PPFIA1: variants seen among roughly 807,000 people sequenced by gnomAD.
PPFIA1 encodes PPFI scaffold protein A1, also known as liprin-alpha-1.
PPFIA1 carries 25 observed loss-of-function variants against 149.9 expected under a neutral mutation model. The observed-to-expected ratio is 0.17, with a 90% CI of 0.12 to 0.23. The LOEUF is 0.23. Ranked by LOEUF, PPFIA1 falls within the 10% of genes least tolerant of loss-of-function variation. The pLI is 1.00. For missense variants in PPFIA1, 1,362 were observed against 1,506.5 expected, an observed-to-expected ratio of 0.90 and a Z score of 1.59; for synonymous variants, 549 against 552.8, an observed-to-expected ratio of 0.99 and a Z score of 0.10.
In PPFIA1 at chr11:70,291,016, G is replaced by T. The variant is rs143822976; in HGVS notation, c.264+18580G>T. On this transcript the variant is annotated intron_variant, in intron 2 of 27. Coordinates refer to ENST00000253925, the MANE Select transcript of PPFIA1 (RefSeq NM_003626.5). ...CTCTCCTGCTTCAGCCTCCCGAGTAGCTGGGATTACAGGCATATGCCACCA... is the reference window on the plus strand; with the variant it reads ...CTCTCCTGCTTCAGCCTCCCGAGTATCTGGGATTACAGGCATATGCCACCA... Among the ~76,000 whole-genome samples, 88 of 152,296 alleles carry T rather than the reference G, an allele frequency of 5.8e-4. 1 individual carries two copies. Among genetic ancestry groups the T allele is most frequent in the African/African-American group, 1.8e-3 (74 of 41,560 alleles).
At chr11:70,372,091 A>G in intron 21 of PPFIA1, 124 bp from the exon 22 acceptor site, 1 of 852,522 alleles carries the variant, frequency 1.2e-6, no homozygotes, top group South Asian at 2.9e-5. Context: ...TTTTGCAATT[A>G]TAAAATTATC....
In PPFIA1 at chr11:70,380,784, A is replaced by G. The variant is rs2057684007; in HGVS notation, c.3551-1304A>G. Among the ~76,000 whole-genome samples, 4 of 152,092 alleles carry G rather than the reference A, an allele frequency of 2.6e-5. No homozygotes were observed. The South Asian group carries it at 8.3e-4, about 32-fold the overall frequency. On this transcript the variant is annotated intron_variant, in intron 26 of 27. Transcript: ENST00000253925. ...AAAAGGTATAGGGAATTTATTATAA[A>G]GAAGACTTTTTACCCTTACATTAAA... is the stretch of plus-strand genomic sequence containing the variant.
chr11:70,335,610 A>T lies in PPFIA1; in HGVS notation c.1344A>T (p.Ser448=), dbSNP rs745449850. 6.2e-7 allele frequency: 1 copy of T among 1,614,112 alleles called. No individual in the cohort carries two copies. The highest frequency in any genetic ancestry group is 1.1e-5 in the South Asian group (1 of 91,084). The change falls in exon 11 of 28, where the codon TCA becomes TCT. Residue 448 remains serine, a synonymous_variant. Coordinates refer to ENST00000253925, the MANE Select transcript of PPFIA1 (RefSeq NM_003626.5). The part of the protein sequence containing the change: ...KMNEEHNKRL[S]DTVDKLLSES... Reference sequence around the variant, plus strand: ...ACGAAGAACATAATAAACGTTTATCAGACACTGTTGACAAGCTGCTTTCAG... The same window carrying T: ...ACGAAGAACATAATAAACGTTTATCTGACACTGTTGACAAGCTGCTTTCAG...
chr11:70,333,638 C>A, intron 10 of PPFIA1, 85 bp downstream of exon 10: 1 of 1,044,540 alleles, frequency 9.6e-7, no homozygotes. Flanking sequence ...GGCCTCCCAC[C>A]CCTGACTGAG....
At chr11:70,282,669 C>T (rs1285869866) in intron 2 of PPFIA1, among the ~76,000 whole-genome samples, 2 of 149,540 alleles carry the variant, frequency 1.3e-5, no homozygotes, top group African/African-American at 2.5e-5. Context: ...GCTGGGACTA[C>T]AGGTGCCCGC....
intron 14 of PPFIA1, among the ~76,000 whole-genome samples, chr11:70,342,316 T>C (rs981309541): frequency 1.3e-5 from 2 of 151,972 alleles, no homozygotes; most frequent in African/African-American, 2.4e-5. Context: ...AGGCCTTGGT[T>C]TTGTCTCCAT....
At chr11:70,343,937 C>T (rs759751799) in intron 15 of PPFIA1, 45 bp downstream of exon 15, 1 of 1,504,794 alleles carries the variant, frequency 6.6e-7, no homozygotes, top group South Asian at 1.2e-5. Context: ...ATGGGTGTCT[C>T]TGAGGAATCT....
At chr11:70,279,147 G>A in intron 2 of PPFIA1, 1 of 544,490 alleles carries the variant, frequency 1.8e-6, no homozygotes, top group Non-Finnish European at 3.4e-6. Flanking sequence ...ATTCACAGCG[G>A]CAGTCGCGCC....
At chr11:70,290,909 C>T (rs1036469440) in intron 2 of PPFIA1, among the ~76,000 whole-genome samples, 11 of 152,026 alleles carry the variant, frequency 7.2e-5, no homozygotes, top group African/African-American at 2.7e-4. Flanking sequence ...TTTTTTGAGA[C>T]AGTTTCACTC....
intron 2 of PPFIA1, among the ~76,000 whole-genome samples, chr11:70,284,471 G>A (rs962554297): frequency 2.7e-5 from 4 of 150,590 alleles, no homozygotes; most frequent in Non-Finnish European, 4.4e-5. Flanking sequence ...GAATATTACC[G>A]TTCTAGGCTC....
intron 2 of PPFIA1, among the ~76,000 whole-genome samples, chr11:70,301,883 C>G (rs1026702005): frequency 6.6e-6 from 1 of 152,226 alleles, no homozygotes; most frequent in Non-Finnish European, 1.5e-5. Context: ...CACGGGACCA[C>G]CGTGCAGTAA....
intron 8 of PPFIA1, 106 bp downstream of exon 8, chr11:70,330,425 T>G: frequency 1.0e-6 from 1 of 975,042 alleles, no homozygotes; most frequent in Non-Finnish European, 1.5e-6. Context: ...AATATCAAGT[T>G]TTTATGACCT....
chr11:70,349,599 G>A lies in PPFIA1; in HGVS notation c.2163+1179G>A, dbSNP rs186686186. ...TTTTTTCCCGTTACCATCTATTTTCGTTTTTAGTTGTGTTGTTAGCCAGCA... is the reference window on the plus strand; with the variant it reads ...TTTTTTCCCGTTACCATCTATTTTCATTTTTAGTTGTGTTGTTAGCCAGCA... On this transcript the variant is annotated intron_variant, in intron 16 of 27. Transcript: ENST00000253925. 2.5e-4 allele frequency among the ~76,000 whole-genome samples: 38 copies of A among 152,048 alleles called. No individual in the cohort carries two copies. The East Asian group carries it at 2.7e-3, about 11-fold the overall frequency.
At chr11:70,297,590 G>T (rs2052163784) in intron 2 of PPFIA1, among the ~76,000 whole-genome samples, 1 of 152,094 alleles carries the variant, frequency 6.6e-6, no homozygotes, top group South Asian at 2.1e-4. Context: ...ATGAGTAATG[G>T]GTAAAATAAG....
chr11:70,278,248 G>A (rs2050536787), intron 2 of PPFIA1, among the ~76,000 whole-genome samples: 1 of 151,700 alleles, frequency 6.6e-6, no homozygotes, highest in Non-Finnish European at 1.5e-5. Flanking sequence ...TGTTTGCCAG[G>A]CTGGGGTCAA....
chr11:70,303,860 G>A (rs1203512162), intron 2 of PPFIA1, among the ~76,000 whole-genome samples: 1 of 152,190 alleles, frequency 6.6e-6, no homozygotes, highest in East Asian at 1.9e-4. Flanking sequence ...ACAAAAATTA[G>A]CCAGGCGTGG....
rs1439813879 is a variant in PPFIA1 at position 70,348,177 on chromosome 11, G to T, written c.1932-12G>T. 6.2e-7 allele frequency: 1 copy of T among 1,613,466 alleles called. No individual in the cohort carries two copies. Among genetic ancestry groups the T allele is most frequent in the Non-Finnish European group, 8.5e-7 (1 of 1,179,534 alleles). On this transcript the variant is annotated splice_polypyrimidine_tract_variant and intron_variant, in intron 15 of 27. Transcript: ENST00000253925. ...CGAAACAGGAGGACTGACTGCTTTT[G>T]TTTTATTTTAGGTTGATTCAGGAAG...
At chr11:70,326,909 C>A (rs1183864756) in intron 7 of PPFIA1, 91 bp downstream of exon 7, 1 of 1,043,428 alleles carries the variant, frequency 9.6e-7, no homozygotes, top group East Asian at 2.4e-5. Context: ...TTGTCTCTTA[C>A]TCTCCCAATT....
chr11:70,353,884 A>C (rs142557478), intron 16 of PPFIA1, among the ~76,000 whole-genome samples: 1 of 152,290 alleles, frequency 6.6e-6, no homozygotes, highest in East Asian at 1.9e-4. Context: ...TCAGGAGATA[A>C]ACGTATTTGT....
Sources: allele counts gnomAD v4.1 joint callset (sites outside exome capture counted in the v4.1 genomes callset), GRCh38; gene constraint gnomAD v4.1.1; transcripts MANE v1.5; gene names NCBI Gene and HGNC (gene_info 2026-07-23, HGNC 2026-07-21).